The following HEXB variants were observed in gnomAD, a reference collection of about 807,000 sequenced individuals.
HEXB encodes beta-hexosaminidase subunit beta.
HEXB carries 51 observed loss-of-function variants against 71.2 expected under a neutral mutation model. The observed-to-expected ratio is 0.72, with a 90% CI of 0.57 to 0.90. The LOEUF is 0.90. HEXB is among the 40% of genes least tolerant of loss of function. The pLI is 0.00. For missense variants in HEXB, 617 were observed against 677.0 expected (o/e 0.91, Z 0.98); for synonymous variants, 266 against 249.3 (o/e 1.07, Z -0.63).
intron 13 of HEXB, 183 bp from the exon 14 acceptor site, chr5:74,720,935 T>C (rs1246628865): frequency 1.3e-6 from 1 of 760,688 alleles, no homozygotes; most frequent in Non-Finnish European, 2.2e-6. Flanking sequence ...ATACAAAAAA[T>C]GTTGGTGTAA....
chr5:74,678,988 G>A (rs1748686196), intron 1 of HEXB, among the ~76,000 whole-genome samples: 1 of 152,202 alleles, frequency 6.6e-6, no homozygotes, highest in Non-Finnish European at 1.5e-5. Context: ...TAATAATGTG[G>A]AATGAGGTTG....
chr5:74,681,083 G>A (rs1323323307), upstream of HEXB, among the ~76,000 whole-genome samples: 2 of 152,240 alleles, frequency 1.3e-5, no homozygotes, highest in Middle Eastern at 3.4e-3. Flanking sequence ...GGGCCCTGGA[G>A]CCTCAACATA....
At chr5:74,661,028 G>T (rs568468553) in intron 1 of HEXB, among the ~76,000 whole-genome samples, 6 of 152,096 alleles carry the variant, frequency 3.9e-5, no homozygotes, top group African/African-American at 1.4e-4. Context: ...GAGAGAGAGA[G>T]AGATAGAGAG....
In HEXB at chr5:74,705,225, A is replaced by G. The variant is rs767256458; in HGVS notation, c.676A>G (p.Met226Val). Reference sequence around the variant, plus strand: ...TAAATATGTTTGCTTGCAGGATGCCATGGCTTTTAATAAGTTTAATGTTCT... The same window carrying G: ...TAAATATGTTTGCTTGCAGGATGCCGTGGCTTTTAATAAGTTTAATGTTCT... ...VKIILKTLDA[M>V]AFNKFNVLHW... The change falls in exon 6 of 14, where the codon ATG (methionine) becomes GTG (valine). Residue 226 changes from methionine to valine, a missense_variant. Physicochemically the swap from Met to Val is conservative, Grantham distance 21. Coordinates refer to ENST00000261416, the MANE Select transcript of HEXB (RefSeq NM_000521.4). The G allele has an allele frequency of 1.3e-6, 2 of 1,597,348 alleles. No individual in the cohort carries two copies. The highest frequency in any genetic ancestry group is 1.7e-5 in the Admixed American group (1 of 60,000).
In HEXB at chr5:74,721,241, AATAAG is replaced by A. The variant is rs1301647310; in HGVS notation, c.*70_*74del. On this transcript the variant is annotated 3_prime_UTR_variant, in exon 14 of 14. Transcript: ENST00000261416. ...TCAACTTTATTTTGAAATCATGTAAAATAAGATATTAGACTGTTTTTTGAATAAAA... is the reference window on the plus strand; with the variant it reads ...TCAACTTTATTTTGAAATCATGTAAAATATTAGACTGTTTTTTGAATAAAA... 8 of 1,236,574 alleles carry A rather than the reference AATAAG, an allele frequency of 6.5e-6. No homozygotes were observed. Among genetic ancestry groups the A allele is most frequent in the African/African-American group, 4.5e-5 (3 of 67,048 alleles). 76.6% of individuals were successfully genotyped at this position (1,236,574 alleles called of 1,614,324 possible).
chr5:74,691,240 A>G (rs1748996725), intron 2 of HEXB, among the ~76,000 whole-genome samples: 1 of 152,218 alleles, frequency 6.6e-6, no homozygotes, highest in East Asian at 1.9e-4. Context: ...TCAAATGTCC[A>G]GAGTGGGAGG....
intron 7 of HEXB, among the ~76,000 whole-genome samples, chr5:74,714,860 T>C (rs1442467205): frequency 6.6e-6 from 1 of 152,150 alleles, no homozygotes; most frequent in African/African-American, 2.4e-5. Flanking sequence ...GTGAACTTCA[T>C]CAGGACACAC....
chr5:74,717,108 G>A (rs1461261216), intron 9 of HEXB, among the ~76,000 whole-genome samples: 1 of 152,176 alleles, frequency 6.6e-6, no homozygotes, highest in South Asian at 2.1e-4. Flanking sequence ...AATCTCCTGG[G>A]AGATGGAGGT....
upstream of HEXB, among the ~76,000 whole-genome samples, chr5:74,682,552 A>G (rs1748759275): frequency 6.6e-6 from 1 of 152,186 alleles, no homozygotes; most frequent in African/African-American, 2.4e-5. Context: ...TTAAGCTCCT[A>G]AATCTTGGAG....
chr5:74,704,379 CT>C (rs1749332861), intron 5 of HEXB, among the ~76,000 whole-genome samples: 2 of 151,792 alleles, frequency 1.3e-5, no homozygotes. Flanking sequence ...TGTTTTTCAT[CT>C]TTTAAAAATA....
intron 4 of HEXB, 107 bp downstream of exon 4, chr5:74,696,846 A>G (rs1470548631): frequency 5.2e-6 from 4 of 768,718 alleles, no homozygotes; most frequent in East Asian, 5.3e-5. Context: ...TTCCCCAGAT[A>G]TTTGTCTTAG....
chr5:74,670,863 G>A lies in HEXB; in HGVS notation c.-376-18465G>A, dbSNP rs148132317. ...TGCTTGGAACAATTGGCTGGACCCCGCACTTGCTCGCTCACACACCCCCTC... is the reference window on the plus strand; with the variant it reads ...TGCTTGGAACAATTGGCTGGACCCCACACTTGCTCGCTCACACACCCCCTC... On this transcript the variant is annotated intron_variant, in intron 1 of 13. Transcript: ENST00000511181. Among the ~76,000 whole-genome samples the A allele has an allele frequency of 3.0e-4, 45 of 152,078 alleles. No individual in the cohort carries two copies. The East Asian group carries it at 4.9e-3, about 16-fold the overall frequency.
intron 6 of HEXB, among the ~76,000 whole-genome samples, chr5:74,712,397 T>G (rs901569331): frequency 6.6e-6 from 1 of 151,442 alleles, no homozygotes; most frequent in Non-Finnish European, 1.5e-5. Context: ...AACCTGCACA[T>G]TGTGCACATG....
intron 3 of HEXB, 134 bp downstream of exon 3, chr5:74,693,838 G>T (rs925412186): frequency 1.4e-6 from 1 of 733,626 alleles, no homozygotes; most frequent in South Asian, 1.4e-5. Flanking sequence ...GTTCCAAAAT[G>T]ATTTCCATTG....
At chr5:74,671,126 TAA>T (rs992717556) in intron 1 of HEXB, among the ~76,000 whole-genome samples, 1 of 151,684 alleles carries the variant, frequency 6.6e-6, no homozygotes, top group Non-Finnish European at 1.5e-5. Flanking sequence ...AGACTGATGG[TAA>T]AAAAACAACT....
At position 74,718,835 on chromosome 5, in the gene HEXB, C is replaced by T. The variant is rs140443258; in HGVS notation, c.1281C>T (p.Ser427=). The T allele has an allele frequency of 4.4e-5, 71 of 1,613,976 alleles. No individual in the cohort carries two copies. Among genetic ancestry groups the T allele is most frequent in the East Asian group, 8.9e-5 (4 of 44,886 alleles). ...CAATAGTTGAAGTATGGAAAGACAG[C>T]GCATATCCTGAGGAACTCAGTAGAG... ...PGTIVEVWKD[S]AYPEELSRVT... Residue 427 remains serine (S), a synonymous_variant, in exon 11 of 14, where the codon AGC becomes AGT. Transcript: ENST00000261416.
At position 74,715,716 on chromosome 5, in the gene HEXB, T is replaced by TA. The variant is rs373945141; in HGVS notation, c.1082+40dup. On this transcript the variant is annotated intron_variant, in intron 8 of 13. Coordinates refer to ENST00000261416, the MANE Select transcript of HEXB (RefSeq NM_000521.4). ...GTAAGATGATTCCTTAAAACCCCTT[T>TA]AAAAAAAAAAAAAAGAGAGGCTGGG... 68,192 of 1,152,096 alleles carry TA rather than the reference T, an allele frequency of 0.059. 115 individuals carry two copies. The highest frequency in any genetic ancestry group is 0.081 in the African/African-American group (5,143 of 63,642). 71.4% of individuals were successfully genotyped at this position (1,152,096 alleles called of 1,614,324 possible).
chr5:74,689,142 TG>T (rs1174213805), intron 1 of HEXB, among the ~76,000 whole-genome samples, 185 bp from the exon 2 acceptor site: 4 of 152,230 alleles, frequency 2.6e-5, no homozygotes, highest in Non-Finnish European at 5.9e-5. Context: ...TCTGAAGGCA[TG>T]GACGTTGGGA....
At chr5:74,689,063 A>G (rs937107676) in intron 1 of HEXB, among the ~76,000 whole-genome samples, 24 of 152,132 alleles carry the variant, frequency 1.6e-4, no homozygotes, top group Non-Finnish European at 5.9e-5. Flanking sequence ...GGGGCTTCAT[A>G]TGTCACTTCA....
Sources: allele counts gnomAD v4.1 joint callset (sites outside exome capture counted in the v4.1 genomes callset), GRCh38; gene constraint gnomAD v4.1.1; transcripts MANE v1.5; gene names NCBI Gene and HGNC (gene_info 2026-07-23, HGNC 2026-07-21).